The following PPP1R21 variants were observed in gnomAD, a reference collection of about 807,000 sequenced individuals.
PPP1R21 encodes the protein KLRAQ motif containing 1.
PPP1R21 carries 85 observed loss-of-function variants against 112.8 expected under a neutral mutation model. The ratio of observed to expected loss-of-function variants is 0.75; its 90% CI spans 0.63 to 0.90. The LOEUF (loss-of-function observed/expected upper bound fraction) is 0.90. Ranked by LOEUF, PPP1R21 falls within the 40% of genes least tolerant of loss-of-function variation. The pLI is 0.00. For synonymous variants in PPP1R21, 381 were observed against 322.3 expected (o/e 1.18, Z -1.95); for missense variants, 1,199 against 901.5 (o/e 1.33, Z -4.23).
At chr2:48,463,513 C>T (rs1668069761) in intron 7 of PPP1R21, among the ~76,000 whole-genome samples, 3 of 151,928 alleles carry the variant, frequency 2.0e-5, no homozygotes. Context: ...AGGAAATAGG[C>T]AGAGCAGTGC....
chr2:48,461,408 A>G (rs1220255753), intron 7 of PPP1R21, among the ~76,000 whole-genome samples, 176 bp downstream of exon 7: 1 of 152,210 alleles, frequency 6.6e-6, no homozygotes, highest in Non-Finnish European at 1.5e-5. Context: ...GAAGATTTTA[A>G]ATTGTCATAT....
At chr2:48,498,779 T>G in intron 17 of PPP1R21, 44 bp downstream of exon 17, 1 of 1,596,520 alleles carries the variant, frequency 6.3e-7, no homozygotes, top group Non-Finnish European at 8.6e-7. Flanking sequence ...TTTTAAATGC[T>G]AATTGGTAAG....
At chr2:48,457,041 G>C (rs1040783713) in intron 3 of PPP1R21, among the ~76,000 whole-genome samples, 8 of 148,520 alleles carry the variant, frequency 5.4e-5, no homozygotes, top group African/African-American at 2.0e-4. Context: ...GACAGAGTGA[G>C]ACTCCCTCTC....
At chr2:48,442,128 A>G (rs1200378380) in intron 1 of PPP1R21, among the ~76,000 whole-genome samples, 1 of 152,220 alleles carries the variant, frequency 6.6e-6, no homozygotes, top group Non-Finnish European at 1.5e-5. Context: ...GCACAATGTT[A>G]GTGATGGCAA....
chr2:48,453,269 A>G (rs925334362), intron 2 of PPP1R21, among the ~76,000 whole-genome samples: 8 of 152,046 alleles, frequency 5.3e-5, no homozygotes, highest in African/African-American at 7.2e-5. Context: ...TGCTGTTTCA[A>G]TACAGTTAAA....
intron 1 of PPP1R21, among the ~76,000 whole-genome samples, chr2:48,447,979 A>T (rs952916522): frequency 3.4e-5 from 5 of 145,548 alleles, no homozygotes; most frequent in South Asian, 2.2e-4. Context: ...ATAATAAAAT[A>T]AAAAAAAAAG....
intron 18 of PPP1R21, 64 bp from the exon 19 acceptor site, chr2:48,507,205 T>G: frequency 7.2e-7 from 1 of 1,383,574 alleles, no homozygotes. Context: ...TTTTTTTTTT[T>G]TTTTCTAGAA....
At chr2:48,497,751 A>C (rs1410461854) in intron 16 of PPP1R21, among the ~76,000 whole-genome samples, 1 of 149,412 alleles carries the variant, frequency 6.7e-6, no homozygotes, top group Non-Finnish European at 1.5e-5. Flanking sequence ...TCCTGGGTTC[A>C]CGCCATTCTC....
At chr2:48,499,206 G>C (rs1430868047) in intron 17 of PPP1R21, among the ~76,000 whole-genome samples, 1 of 152,138 alleles carries the variant, frequency 6.6e-6, no homozygotes, top group Non-Finnish European at 1.5e-5. Context: ...AGTGATCCGT[G>C]TACTCTAGAA....
At chr2:48,442,760 A>G (rs1667089739) in intron 1 of PPP1R21, among the ~76,000 whole-genome samples, 1 of 152,208 alleles carries the variant, frequency 6.6e-6, no homozygotes, top group Non-Finnish European at 1.5e-5. Context: ...ATGAAAGCTC[A>G]TTAAGATTAA....
intron 21 of PPP1R21, among the ~76,000 whole-genome samples, chr2:48,513,330 T>G (rs919820275): frequency 4.6e-5 from 7 of 151,840 alleles, no homozygotes; most frequent in African/African-American, 1.7e-4. Context: ...TCAGCCTACC[T>G]AGTAACTGGG....
rs530502939 is a variant in PPP1R21, at chr2:48,485,759, ACAAT to A, written c.1319-868_1319-865del. On this transcript the variant is annotated intron_variant, in intron 13 of 21. Coordinates refer to ENST00000294952, the MANE Select transcript of PPP1R21 (RefSeq NM_001135629.3). ...CTCCATTAATTATCTATAGTCTAAA[ACAAT>A]CAACAAAATTTCTTGATTCTAAATT... Among the ~76,000 whole-genome samples, 158 of 151,280 alleles carry A rather than the reference ACAAT, an allele frequency of 1.0e-3. 1 individual carries two copies. The highest frequency in any genetic ancestry group is 3.3e-3 in the African/African-American group (138 of 41,406).
chr2:48,451,804 G>A (rs1226278316), intron 2 of PPP1R21, among the ~76,000 whole-genome samples: 1 of 152,122 alleles, frequency 6.6e-6, no homozygotes, highest in Non-Finnish European at 1.5e-5. Context: ...TAGACAGATG[G>A]GATTAGGATT....
At chr2:48,450,854 T>C (rs1667440041) in intron 1 of PPP1R21, among the ~76,000 whole-genome samples, 154 bp from the exon 2 acceptor site, 2 of 152,166 alleles carry the variant, frequency 1.3e-5, no homozygotes, top group South Asian at 4.1e-4. Context: ...TGTTATCTAC[T>C]ACCCTCTTTG....
At chr2:48,468,146 G>A (rs919507568) in intron 9 of PPP1R21, among the ~76,000 whole-genome samples, 1 of 152,078 alleles carries the variant, frequency 6.6e-6, no homozygotes, top group Non-Finnish European at 1.5e-5. Context: ...CTGCGCTTCC[G>A]TTTTCTCATC....
intron 1 of PPP1R21, among the ~76,000 whole-genome samples, chr2:48,441,755 A>G (rs948541780): frequency 6.6e-6 from 1 of 152,202 alleles, no homozygotes; most frequent in Non-Finnish European, 1.5e-5. Context: ...GTTTCTGGGT[A>G]GGGTGTTTCT....
At chr2:48,446,029 C>T (rs113827474) in intron 1 of PPP1R21, among the ~76,000 whole-genome samples, 23 of 152,124 alleles carry the variant, frequency 1.5e-4, no homozygotes, top group Admixed American at 3.9e-4. Flanking sequence ...GTCTTGCACA[C>T]GTCACTTTGT....
chr2:48,460,974 G>C (rs113229051), intron 6 of PPP1R21, among the ~76,000 whole-genome samples, 164 bp from the exon 7 acceptor site: 1 of 152,194 alleles, frequency 6.6e-6, no homozygotes, highest in Non-Finnish European at 1.5e-5. Flanking sequence ...AGCCAGGTTA[G>C]CGTTTTTGTT....
In PPP1R21 at chr2:48,440,906, C is replaced by G; in HGVS notation, c.-48C>G. ...CGTGTCTGGGTTTGGGGGCGGGAGA[C>G]AGGCTGAGCCGCCTGGGCGGCCTGG... On this transcript the variant is annotated 5_prime_UTR_variant, in exon 1 of 22. Transcript: ENST00000294952. 1.4e-6 allele frequency: 2 copies of G among 1,401,648 alleles called. No individual in the cohort carries two copies. Among genetic ancestry groups the G allele is most frequent in the South Asian group, 1.2e-5 (1 of 83,164 alleles). The allele number at this position is 1,401,648 out of a possible 1,614,324, so 86.8% of individuals were successfully genotyped here.
Sources: gnomAD v4.1 joint callset for allele counts (sites outside exome capture counted in the v4.1 genomes callset) on GRCh38, gnomAD v4.1.1 for gene constraint, MANE v1.5 for transcripts, NCBI Gene and HGNC (gene_info 2026-07-23, HGNC 2026-07-21) for gene names.